PCDH15: variants seen among roughly 807,000 people sequenced by gnomAD.
PCDH15 encodes the protein protocadherin related 15, also known as protocadherin-15.
Under a neutral mutation model 178.5 loss-of-function variants are expected in PCDH15, and 129 were observed. The observed-to-expected ratio is 0.72, with a 90% CI of 0.63 to 0.84. The LOEUF is 0.84. PCDH15 is among the 40% of genes least tolerant of loss of function. The pLI, the probability that PCDH15 is intolerant of heterozygous loss-of-function variation, is 0.00. For missense variants in PCDH15, 2,230 were observed against 2,099.9 expected, an observed-to-expected ratio of 1.06 and a Z score of -1.21; for synonymous variants, 800 against 732.0, an observed-to-expected ratio of 1.09 and a Z score of -1.50.
intron 18 of PCDH15, among the ~76,000 whole-genome samples, chr10:54,050,022 T>C (rs930954439): frequency 6.6e-6 from 1 of 152,138 alleles, no homozygotes; most frequent in African/African-American, 2.4e-5. Flanking sequence ...GCCTGTAGTT[T>C]TCCATTTTAA....
At chr10:53,913,298 G>T (rs2083258733) in intron 25 of PCDH15, among the ~76,000 whole-genome samples, 1 of 152,118 alleles carries the variant, frequency 6.6e-6, no homozygotes. Context: ...ATTCAAGATG[G>T]ATTAAAGACT....
chr10:55,019,444 A>G (rs1840269544), intron 2 of PCDH15, among the ~76,000 whole-genome samples: 7 of 151,192 alleles, frequency 4.6e-5, no homozygotes, highest in Admixed American at 3.3e-4. Flanking sequence ...GACAAGGACT[A>G]CCCCTTTTTT....
intron 3 of PCDH15, among the ~76,000 whole-genome samples, chr10:54,395,791 G>C (rs924460687): frequency 6.6e-6 from 1 of 152,186 alleles, no homozygotes; most frequent in East Asian, 1.9e-4. Context: ...TAATCATGCT[G>C]TATCTGAGAA....
intron 3 of PCDH15, among the ~76,000 whole-genome samples, chr10:54,421,339 A>G (rs1027890910): frequency 6.6e-6 from 1 of 151,642 alleles, no homozygotes; most frequent in Non-Finnish European, 1.5e-5. Flanking sequence ...GTTTTACTAG[A>G]ACATGAAATC....
At chr10:55,424,154 G>A (rs982339390) in intron 2 of PCDH15, among the ~76,000 whole-genome samples, 2 of 152,092 alleles carry the variant, frequency 1.3e-5, no homozygotes, top group African/African-American at 2.4e-5. Flanking sequence ...TCTCCAAAAA[G>A]GAACTCTAAA....
At chr10:55,456,303 G>A (rs1335292717) in intron 2 of PCDH15, among the ~76,000 whole-genome samples, 1 of 151,976 alleles carries the variant, frequency 6.6e-6, no homozygotes, top group African/African-American at 2.4e-5. Context: ...ATGGAGAGAG[G>A]GACTGGAGAG....
At chr10:55,041,655 T>G (rs1243773751) in intron 2 of PCDH15, among the ~76,000 whole-genome samples, 7 of 152,168 alleles carry the variant, frequency 4.6e-5, no homozygotes, top group African/African-American at 1.7e-4. Flanking sequence ...ACTGTTCATT[T>G]GATCCTGGTG....
chr10:54,559,923 C>T (rs2087871421), intron 2 of PCDH15, among the ~76,000 whole-genome samples: 1 of 148,774 alleles, frequency 6.7e-6, no homozygotes, highest in Non-Finnish European at 1.5e-5. Flanking sequence ...TAAATTAATT[C>T]CATGAGCAGT....
chr10:54,967,661 A>T (rs1838826160), intron 2 of PCDH15, among the ~76,000 whole-genome samples: 1 of 152,150 alleles, frequency 6.6e-6, no homozygotes, highest in Admixed American at 6.5e-5. Flanking sequence ...TACAAATAAA[A>T]TTGTTATGAA....
At chr10:54,911,609 T>A (rs1352790836) in intron 2 of PCDH15, among the ~76,000 whole-genome samples, 3 of 152,178 alleles carry the variant, frequency 2.0e-5, no homozygotes, top group Non-Finnish European at 4.4e-5. Context: ...TGATTTGGCT[T>A]TGAGTCCCTA....
intron 3 of PCDH15, among the ~76,000 whole-genome samples, chr10:54,509,362 A>G (rs2081443401): frequency 6.6e-6 from 1 of 151,722 alleles, no homozygotes; most frequent in Non-Finnish European, 1.5e-5. Context: ...CTTGGCTCTC[A>G]TTTTCTCTCT....
chr10:55,530,968 T>C (rs11004899), intron 2 of PCDH15, among the ~76,000 whole-genome samples: 30,938 of 151,796 alleles, frequency 0.2, 3,273 homozygotes, highest in Middle Eastern at 0.29. Context: ...GTGGAAGTAT[T>C]TGCAGCATCA....
intron 16 of PCDH15, among the ~76,000 whole-genome samples, chr10:54,083,238 A>T (rs2135983000): frequency 6.6e-6 from 1 of 152,324 alleles, no homozygotes; most frequent in African/African-American, 2.4e-5. Context: ...TCAAATGGTT[A>T]AAAACACATA....
chr10:53,806,513 CAATA>C lies in PCDH15; in HGVS notation c.*62_*65del. 7.7e-7 allele frequency: 1 copy of C among 1,301,754 alleles called. No individual in the cohort carries two copies. The highest frequency in any genetic ancestry group is 1.0e-6 in the Non-Finnish European group (1 of 953,900). The allele number at this position is 1,301,754 out of a possible 1,614,324, so 80.6% of individuals were successfully genotyped here. A position where few individuals can be genotyped will look rare whatever the true frequency, so the allele number is the denominator to read the frequency against. On this transcript the variant is annotated 3_prime_UTR_variant, in exon 38 of 38. Coordinates refer to ENST00000644397, the MANE Select transcript of PCDH15 (RefSeq NM_001384140.1). ...ATTCCATACATTGTTTTCTCAGTGA[CAATA>C]AAAAGCACAGTTTATTAAAAATGTA...
intron 21 of PCDH15, among the ~76,000 whole-genome samples, chr10:53,988,219 C>T (rs2134739277): frequency 6.6e-6 from 1 of 152,232 alleles, no homozygotes; most frequent in South Asian, 2.1e-4. Flanking sequence ...CTCACACTGC[C>T]ATCTGCCTCT....
At chr10:54,188,536 A>G (rs1289825451) in intron 11 of PCDH15, among the ~76,000 whole-genome samples, 2 of 151,900 alleles carry the variant, frequency 1.3e-5, no homozygotes, top group Admixed American at 6.6e-5. Flanking sequence ...TCCAGTCAGT[A>G]TATACCAAAA....
intron 14 of PCDH15, among the ~76,000 whole-genome samples, chr10:54,138,897 G>A (rs1453355182): frequency 6.6e-6 from 1 of 151,992 alleles, no homozygotes; most frequent in Non-Finnish European, 1.5e-5. Flanking sequence ...GTATGTTCAT[G>A]TATTACGTTT....
In PCDH15 at chr10:53,847,013, G is replaced by A. The variant is rs535234455; in HGVS notation, c.3807-6517C>T. Among the ~76,000 whole-genome samples the A allele has an allele frequency of 2.0e-4, 30 of 152,072 alleles. No homozygotes were observed. The South Asian group carries it at 5.4e-3, about 27-fold the overall frequency. On this transcript the variant is annotated intron_variant, in intron 28 of 37. Coordinates refer to ENST00000644397, the MANE Select transcript of PCDH15 (RefSeq NM_001384140.1). ...GAGGAAACTCCATCTGCTGGTGGCT[G>A]GTAGACGTAGATTAAAATTAAACCT...
At chr10:54,334,913 C>T (rs1046802245) in intron 6 of PCDH15, among the ~76,000 whole-genome samples, 2 of 152,134 alleles carry the variant, frequency 1.3e-5, no homozygotes, top group African/African-American at 4.8e-5. Flanking sequence ...TCTCTTCTCT[C>T]TTTGGGTTTC....
Sources: allele counts gnomAD v4.1 joint callset (sites outside exome capture counted in the v4.1 genomes callset), GRCh38; gene constraint gnomAD v4.1.1; transcripts MANE v1.5; gene names NCBI Gene and HGNC (gene_info 2026-07-23, HGNC 2026-07-21).